Variants in MICU1 observed in about 807,000 individuals in gnomAD.
MICU1 encodes mitochondrial calcium uptake 1, also known as calcium uptake protein 1, mitochondrial.
MICU1 carries 45 observed loss-of-function variants against 56.8 expected under a neutral mutation model. The ratio of observed to expected loss-of-function variants is 0.79; its 90% CI spans 0.62 to 1.02. The LOEUF (loss-of-function observed/expected upper bound fraction) is 1.02. Ranked by LOEUF, MICU1 falls within the 50% of genes least tolerant of loss-of-function variation. The pLI is 0.00. For missense variants in MICU1, 504 were observed against 587.1 expected (o/e 0.86, Z 1.46); for synonymous variants, 186 against 195.1 (o/e 0.95, Z 0.39).
In MICU1 at chr10:72,532,317, C is replaced by CA. The variant is rs879557469; in HGVS notation, c.537+1428dup. Among the ~76,000 whole-genome samples, 1,176 of 139,486 alleles carry CA rather than the reference C, an allele frequency of 8.4e-3. 4 individuals carry two copies. The highest frequency in any genetic ancestry group is 0.014 in the African/African-American group (513 of 37,952). The allele number at this position is 139,486 out of a possible 152,430, so 91.5% of individuals were successfully genotyped here. A position where few individuals can be genotyped will look rare whatever the true frequency, so the allele number is the denominator to read the frequency against. On this transcript the variant is annotated intron_variant, in intron 5 of 11. Transcript: ENST00000361114. ...CAGGCGACAGAGCGAGACTCCATCT[C>CA]AAAAAAAAAAAAGTTATTTATTAAA...
chr10:72,394,766 C>A (rs1343735408), intron 10 of MICU1, among the ~76,000 whole-genome samples: 1 of 152,130 alleles, frequency 6.6e-6, no homozygotes, highest in Non-Finnish European at 1.5e-5. Flanking sequence ...AGACCAGGAG[C>A]TCAAGACCAG....
chr10:72,411,642 G>A (rs1863818841), intron 9 of MICU1, among the ~76,000 whole-genome samples: 1 of 152,112 alleles, frequency 6.6e-6, no homozygotes, highest in Non-Finnish European at 1.5e-5. Context: ...AATCCTGTAG[G>A]AGTTAGAGAG....
chr10:72,600,968 AT>A lies in MICU1; in HGVS notation c.-2+25041del, dbSNP rs1271057506. 5.9e-5 allele frequency among the ~76,000 whole-genome samples: 9 copies of A among 152,318 alleles called. No homozygotes were observed. The East Asian group carries it at 1.5e-3, about 26-fold the overall frequency. ...AAATTATGTTTGGTGATAACAGATA[AT>A]GATTATTACCAAAAGTCAGGATGGT... is the stretch of plus-strand genomic sequence containing the variant. On this transcript the variant is annotated intron_variant, in intron 1 of 11. Coordinates refer to ENST00000361114, the MANE Select transcript of MICU1 (RefSeq NM_001195518.2).
chr10:72,450,291 AG>A (rs2132209835), intron 8 of MICU1, among the ~76,000 whole-genome samples: 1 of 152,100 alleles, frequency 6.6e-6, no homozygotes, highest in South Asian at 2.1e-4. Flanking sequence ...CAAGGTAACT[AG>A]GTGAAGGAGA....
At chr10:72,428,430 G>A (rs1864418773) in intron 8 of MICU1, among the ~76,000 whole-genome samples, 1 of 152,138 alleles carries the variant, frequency 6.6e-6, no homozygotes, top group African/African-American at 2.4e-5. Flanking sequence ...TCCTGCCTAA[G>A]CCTCCCAAGT....
At chr10:72,623,733 G>A (rs562127550) in intron 1 of MICU1, among the ~76,000 whole-genome samples, 8 of 151,886 alleles carry the variant, frequency 5.3e-5, no homozygotes, top group East Asian at 3.9e-4. Flanking sequence ...CAGCTACTTC[G>A]GAGGCTGAAG....
intron 6 of MICU1, among the ~76,000 whole-genome samples, chr10:72,507,052 A>G (rs1228483161): frequency 6.6e-6 from 1 of 152,104 alleles, no homozygotes; most frequent in African/African-American, 2.4e-5. Context: ...ATGGCAGGAC[A>G]TGTATATGCC....
At chr10:72,374,931 C>T (rs1446933289) in intron 11 of MICU1, among the ~76,000 whole-genome samples, 1 of 150,196 alleles carries the variant, frequency 6.7e-6, no homozygotes. Context: ...TTGCCTCAGC[C>T]TCTCGAGTAG....
In MICU1 at chr10:72,563,805, A is replaced by G. The variant is rs574013716; in HGVS notation, c.162-742T>C. Among the ~76,000 whole-genome samples the G allele has an allele frequency of 2.6e-4, 40 of 152,318 alleles. No homozygotes were observed. In the South Asian group the frequency reaches 8.3e-3, roughly 32 times the overall value. On this transcript the variant is annotated intron_variant, in intron 2 of 11. Coordinates refer to ENST00000361114, the MANE Select transcript of MICU1 (RefSeq NM_001195518.2). ...CTAAATGTACTAGACTTCCAGCCATAGAGCGCCTCCTTGTTCTTCATCTCA... is the reference window on the plus strand; with the variant it reads ...CTAAATGTACTAGACTTCCAGCCATGGAGCGCCTCCTTGTTCTTCATCTCA...
chr10:72,547,211 T>A (rs1201756790), intron 4 of MICU1, among the ~76,000 whole-genome samples: 1 of 151,650 alleles, frequency 6.6e-6, no homozygotes, highest in East Asian at 1.9e-4. Context: ...TTTTTTTACT[T>A]TTATTTTTAT....
chr10:72,381,944 CTGTGTATATA>C (rs1174577016), intron 10 of MICU1, among the ~76,000 whole-genome samples: 1 of 139,986 alleles, frequency 7.1e-6, no homozygotes, highest in East Asian at 2.1e-4. Flanking sequence ...GTGGAGGAGA[CTGTGTATATA>C]TATATCTATA....
chr10:72,550,095 C>A (rs1839997297), intron 4 of MICU1, among the ~76,000 whole-genome samples: 1 of 151,918 alleles, frequency 6.6e-6, no homozygotes, highest in South Asian at 2.1e-4. Context: ...TGACTTTGTA[C>A]CAATAATAAC....
intron 9 of MICU1, among the ~76,000 whole-genome samples, chr10:72,413,894 A>G (rs1863902370): frequency 1.3e-5 from 2 of 152,238 alleles, no homozygotes; most frequent in African/African-American, 4.8e-5. Flanking sequence ...AATGCTTAGC[A>G]TCATTAGGAA....
rs1323233544 is a variant in MICU1 at position 72,438,450 on chromosome 10, C to T, written c.934-15079G>A. On this transcript the variant is annotated intron_variant, in intron 8 of 11. Transcript: ENST00000361114. ...AAATGCCCACAAGAGAAAGCAGGAA[C>T]GATCTAAAATCGACACCCTAACATC... Among the ~76,000 whole-genome samples, 6 of 145,788 alleles carry T rather than the reference C, an allele frequency of 4.1e-5. No individual in the cohort carries two copies. In the South Asian group the frequency reaches 1.3e-3, roughly 31 times the overall value.
At chr10:72,392,597 A>C (rs781150968) in intron 10 of MICU1, among the ~76,000 whole-genome samples, 18 of 152,266 alleles carry the variant, frequency 1.2e-4, no homozygotes, top group Admixed American at 4.6e-4. Flanking sequence ...TAAAATAAAC[A>C]CAGAAACTAA....
At position 72,432,860 on chromosome 10, in the gene MICU1, T is replaced by C. The variant is rs78959527; in HGVS notation, c.934-9489A>G. Among the ~76,000 whole-genome samples, 619 of 152,326 alleles carry C rather than the reference T, an allele frequency of 4.1e-3. 2 individuals are homozygous for C. Among genetic ancestry groups the C allele is most frequent in the Admixed American group, 6.9e-3 (106 of 15,302 alleles). On this transcript the variant is annotated intron_variant, in intron 8 of 11. Transcript: ENST00000361114. Reference sequence around the variant, plus strand: ...CGAATATCCAAACCACATCACTCAGTTTGCCCATCTGTTAATTTTGTTTAG... The same window carrying C: ...CGAATATCCAAACCACATCACTCAGCTTGCCCATCTGTTAATTTTGTTTAG...
intron 6 of MICU1, among the ~76,000 whole-genome samples, chr10:72,495,605 A>G (rs1866810593): frequency 6.7e-6 from 1 of 148,904 alleles, no homozygotes. Flanking sequence ...CAGTGAGCCA[A>G]GATTGTACCA....
At chr10:72,470,650 C>T (rs1029824123) in intron 8 of MICU1, among the ~76,000 whole-genome samples, 5 of 152,158 alleles carry the variant, frequency 3.3e-5, no homozygotes, top group African/African-American at 9.7e-5. Context: ...CCCCTTAAAG[C>T]CCCTGCCTCT....
chr10:72,409,489 A>G (rs934328791), intron 9 of MICU1, among the ~76,000 whole-genome samples: 1 of 152,284 alleles, frequency 6.6e-6, no homozygotes, highest in African/African-American at 2.4e-5. Context: ...GAGCTCAGTG[A>G]CCAGCCTAGG....
Sources: gnomAD v4.1 joint callset for allele counts (sites outside exome capture counted in the v4.1 genomes callset) on GRCh38, gnomAD v4.1.1 for gene constraint, MANE v1.5 for transcripts, NCBI Gene and HGNC (gene_info 2026-07-23, HGNC 2026-07-21) for gene names.